DST: variants seen among roughly 807,000 people sequenced by gnomAD.
DST encodes bullous pemphigoid antigen.
DST carries 253 observed loss-of-function variants against 875.2 expected under a neutral mutation model. That is an observed-to-expected ratio of 0.29 (90% CI 0.26 to 0.32). The LOEUF (loss-of-function observed/expected upper bound fraction) is 0.32, where lower values mean the gene tolerates loss of function less well. DST is among the 10% of genes least tolerant of loss of function. The probability of loss-of-function intolerance (pLI) is 1.00; values close to 1 mark genes in which losing one functional copy is unlikely to be tolerated. For missense variants in DST, 8,287 were observed against 9,111.6 expected, an observed-to-expected ratio of 0.91 and a Z score of 3.68; for synonymous variants, 3,124 against 3,197.1, an observed-to-expected ratio of 0.98 and a Z score of 0.77.
At chr6:56,495,510 T>C (rs970730283) in intron 82 of DST, among the ~76,000 whole-genome samples, 5 of 152,016 alleles carry the variant, frequency 3.3e-5, no homozygotes, top group Non-Finnish European at 7.4e-5. Flanking sequence ...ATTTATATTA[T>C]TAGAAAATAA....
chr6:56,664,751 T>A (rs989999789), intron 10 of DST, among the ~76,000 whole-genome samples: 40 of 152,146 alleles, frequency 2.6e-4, no homozygotes, highest in Admixed American at 5.9e-4. Context: ...TCTTACCAGT[T>A]GTGGTTTTTA....
chr6:56,516,466 A>G (rs1431146449), intron 71 of DST, among the ~76,000 whole-genome samples: 1 of 152,158 alleles, frequency 6.6e-6, no homozygotes, highest in African/African-American at 2.4e-5. Flanking sequence ...AAATAAATAA[A>G]AGAGTGCATA....
At chr6:56,842,824 T>C (rs2099801923) in intron 4 of DST, among the ~76,000 whole-genome samples, 1 of 151,780 alleles carries the variant, frequency 6.6e-6, no homozygotes, top group African/African-American at 2.4e-5. Context: ...ACAACCCCCT[T>C]CCCCCCTCTC....
chr6:56,676,694 TAAA>T (rs34164286), intron 9 of DST, among the ~76,000 whole-genome samples: 62 of 143,788 alleles, frequency 4.3e-4, no homozygotes, highest in African/African-American at 1.3e-3. Context: ...TGATCAGCCT[TAAA>T]AAAAAAAAAA....
intron 13 of DST, among the ~76,000 whole-genome samples, chr6:56,647,744 G>A (rs2098952028): frequency 6.7e-6 from 1 of 150,034 alleles, no homozygotes; most frequent in Non-Finnish European, 1.5e-5. Context: ...GGAGTGCAGT[G>A]ATGCGATCTC....
chr6:56,622,375 C>T (rs1305080199), intron 36 of DST, among the ~76,000 whole-genome samples: 3 of 151,920 alleles, frequency 2.0e-5, no homozygotes, highest in African/African-American at 7.3e-5. Flanking sequence ...TCAAGACCAG[C>T]TTGGCCAACA....
chr6:56,629,174 A>C (rs2098757386), intron 32 of DST, 76 bp downstream of exon 32: 3 of 1,416,164 alleles, frequency 2.1e-6, no homozygotes, highest in Non-Finnish European at 2.0e-6. Flanking sequence ...AAATAGCCTC[A>C]TATGTGTAGA....
rs1380614361 is a variant in DST at position 56,601,593 on chromosome 6, T to A, written c.11391A>T (p.Ala3797=). ...TGCTTTGGTTGGGAGACAGATCCTG[T>A]GCATATTCAGAAATGAAGAACTGCA... is the stretch of plus-strand genomic sequence containing the variant. ...FDVQFFISEY[A]QDLSPNQSKQ... is the part of the protein sequence containing the mutation. Residue 3797 remains alanine (A), a synonymous_variant, in exon 44 of 104, where the codon GCA becomes GCT. Transcript: ENST00000680361. 1 of 1,602,094 alleles carries A rather than the reference T, an allele frequency of 6.2e-7. No individual in the cohort carries two copies. Among genetic ancestry groups the A allele is most frequent in the African/African-American group, 1.3e-5 (1 of 74,894 alleles).
intron 61 of DST, 108 bp from the exon 62 acceptor site, chr6:56,537,048 A>C: frequency 1.1e-6 from 1 of 944,158 alleles, no homozygotes; most frequent in East Asian, 2.6e-5. Context: ...CAATTATTAC[A>C]GAGGTAAAGA....
chr6:56,533,182 C>T (rs1211002102), intron 63 of DST, among the ~76,000 whole-genome samples: 1 of 152,156 alleles, frequency 6.6e-6, no homozygotes, highest in East Asian at 1.9e-4. Context: ...CAGGATTTAG[C>T]ACCAGAAACA....
chr6:56,941,383 T>C (rs987561235), intron 2 of DST, among the ~76,000 whole-genome samples: 1 of 152,260 alleles, frequency 6.6e-6, no homozygotes, highest in Non-Finnish European at 1.5e-5. Context: ...ATATAATCTG[T>C]ATTATTTCAA....
intron 2 of DST, among the ~76,000 whole-genome samples, chr6:56,951,131 C>T (rs569965864): frequency 1.4e-4 from 21 of 152,270 alleles, no homozygotes; most frequent in Non-Finnish European, 2.5e-4. Flanking sequence ...CCTTCCTGGG[C>T]GTGTGGGTAC....
intron 2 of DST, among the ~76,000 whole-genome samples, chr6:56,948,204 AAGCTTC>A (rs1354425487): frequency 6.6e-6 from 1 of 152,208 alleles, no homozygotes; most frequent in Non-Finnish European, 1.5e-5. Context: ...TATATCTCAG[AAGCTTC>A]AGCATACGAT....
chr6:56,919,766 G>C (rs1803106227), intron 2 of DST, among the ~76,000 whole-genome samples: 1 of 152,132 alleles, frequency 6.6e-6, no homozygotes, highest in African/African-American at 2.4e-5. Flanking sequence ...GGCCAATATG[G>C]TGAAACCCCA....
intron 4 of DST, among the ~76,000 whole-genome samples, chr6:56,751,744 A>G (rs1156469438): frequency 6.6e-6 from 1 of 152,202 alleles, no homozygotes; most frequent in African/African-American, 2.4e-5. Flanking sequence ...AAACTTAGAA[A>G]CTAAAATTTT....
chr6:56,627,100 G>T, intron 34 of DST, 104 bp downstream of exon 34: 1 of 905,034 alleles, frequency 1.1e-6, no homozygotes, highest in Non-Finnish European at 1.8e-6. Context: ...TTCAAATGAA[G>T]ATTCTTTTAA....
chr6:56,463,951 C>T (rs1250257490), intron 100 of DST, 187 bp from the exon 101 acceptor site: 2 of 721,372 alleles, frequency 2.8e-6, no homozygotes, highest in South Asian at 2.9e-5. Context: ...CAATGCATTC[C>T]TTTTGGATAC....
At chr6:56,823,023 T>C (rs752827592) in intron 4 of DST, among the ~76,000 whole-genome samples, 6 of 151,780 alleles carry the variant, frequency 4.0e-5, no homozygotes, top group Non-Finnish European at 4.4e-5. Context: ...AGTAGAGACA[T>C]GATTTCACCA....
Position 56,471,124 on chromosome 6 carries a change from C to T in DST, c.22303G>A (p.Asp7435Asn). The change falls in exon 95 of 104, where the codon GAT becomes AAT. Residue 7435 changes from aspartate to asparagine, a missense_variant. Around this residue, in one of 10 missense-constraint regions of DST, gnomAD observed 87 missense variants for 209.7 expected, o/e 0.41. Coordinates refer to ENST00000680361, the MANE Select transcript of DST (RefSeq NM_001374736.1). ...AACTTACTTGAGGAAAGAATTCCAT[C>T]AATAAATTCCTGCCGCGTTATTTTC... ...DGKITRQEFI[D>N]GILSSKFPTS... The T allele has an allele frequency of 6.2e-7, 1 of 1,611,582 alleles. No individual in the cohort carries two copies. Among genetic ancestry groups the T allele is most frequent in the South Asian group, 1.1e-5 (1 of 90,466 alleles).
Sources: allele counts gnomAD v4.1 joint callset (sites outside exome capture counted in the v4.1 genomes callset), GRCh38; gene constraint gnomAD v4.1.1; regional missense constraint gnomAD v4.1.1; transcripts MANE v1.5; gene names NCBI Gene and HGNC (gene_info 2026-07-23, HGNC 2026-07-21).